Variants in LEPR observed in about 807,000 individuals in gnomAD.
The protein encoded by LEPR is OB receptor.
In LEPR, 56 loss-of-function variants were observed where a neutral mutation model predicts 114.7. The ratio of observed to expected loss-of-function variants is 0.49; its 90% CI spans 0.39 to 0.61. LEPR has a LOEUF of 0.61. Among genes scored for constraint, LEPR ranks in the 20% least tolerant of loss-of-function variants. LEPR has a pLI of 0.00. For missense variants in LEPR, 1,202 were observed against 1,352.9 expected (o/e 0.89, Z 1.75); for synonymous variants, 443 against 461.4 (o/e 0.96, Z 0.51).
chr1:65,610,379 A>G, intron 14 of LEPR, 83 bp downstream of exon 14: 1 of 1,160,466 alleles, frequency 8.6e-7, no homozygotes, highest in Non-Finnish European at 1.2e-6. Context: ...CCTGTTATTA[A>G]TCTTCGGAAA....
At chr1:65,457,940 C>G (rs1285663210) in intron 2 of LEPR, among the ~76,000 whole-genome samples, 10 of 152,166 alleles carry the variant, frequency 6.6e-5, no homozygotes, top group Admixed American at 6.5e-4. Context: ...CCAGTAGCCT[C>G]CTTTCCCTTT....
At chr1:65,607,319 G>A (rs919079826) in intron 11 of LEPR, among the ~76,000 whole-genome samples, 1 of 152,114 alleles carries the variant, frequency 6.6e-6, no homozygotes, top group Admixed American at 6.5e-5. Context: ...ACTTTAGATT[G>A]TCCACTGGCA....
At chr1:65,621,492 A>G in intron 18 of LEPR, 34 bp downstream of exon 18, 1 of 1,576,404 alleles carries the variant, frequency 6.3e-7, no homozygotes, top group Non-Finnish European at 8.7e-7. Context: ...CTTTACGGCA[A>G]AAGTCCTTAC....
At chr1:65,581,765 A>T (rs1214266890) in intron 5 of LEPR, among the ~76,000 whole-genome samples, 1 of 152,172 alleles carries the variant, frequency 6.6e-6, no homozygotes, top group African/African-American at 2.4e-5. Context: ...CTCCTCTTAC[A>T]GCAAGAAGAA....
intron 5 of LEPR, among the ~76,000 whole-genome samples, chr1:65,588,277 T>C (rs1655453323): frequency 6.6e-6 from 1 of 151,838 alleles, no homozygotes; most frequent in Non-Finnish European, 1.5e-5. Context: ...TGCCCTGTAT[T>C]TGGTAACCCT....
intron 2 of LEPR, among the ~76,000 whole-genome samples, chr1:65,497,185 C>T (rs1487679200): frequency 1.3e-5 from 2 of 152,004 alleles, no homozygotes; most frequent in Non-Finnish European, 2.9e-5. Context: ...CATTCCAGTC[C>T]TGTCATGCAA....
chr1:65,443,343 C>T (rs1477494882), intron 2 of LEPR, among the ~76,000 whole-genome samples: 1 of 151,952 alleles, frequency 6.6e-6, no homozygotes, highest in African/African-American at 2.4e-5. Flanking sequence ...CACTTGAGCC[C>T]AGGAGTTCGA....
intron 2 of LEPR, among the ~76,000 whole-genome samples, chr1:65,475,612 G>A (rs1023332619): frequency 1.2e-4 from 18 of 152,160 alleles, no homozygotes; most frequent in African/African-American, 4.1e-4. Flanking sequence ...GTTAGTCAAA[G>A]GTGGTCTTTG....
chr1:65,451,202 G>A (rs1347710399), intron 2 of LEPR, among the ~76,000 whole-genome samples: 8 of 152,004 alleles, frequency 5.3e-5, no homozygotes, highest in Admixed American at 6.6e-5. Context: ...AGTAGGTTGC[G>A]AAAATTTTCT....
chr1:65,625,855 T>C (rs1388773978), intron 19 of LEPR, among the ~76,000 whole-genome samples: 1 of 152,170 alleles, frequency 6.6e-6, no homozygotes, highest in Non-Finnish European at 1.5e-5. Context: ...ATGAGGGTTT[T>C]ATGTCAAAAA....
chr1:65,442,903 C>T (rs1188020703), intron 2 of LEPR, among the ~76,000 whole-genome samples: 2 of 152,104 alleles, frequency 1.3e-5, no homozygotes, highest in Non-Finnish European at 1.5e-5. Flanking sequence ...AGAGACCATA[C>T]TCAGGAGCCT....
chr1:65,512,336 A>G (rs1012583242), intron 2 of LEPR, among the ~76,000 whole-genome samples: 2 of 152,156 alleles, frequency 1.3e-5, no homozygotes, highest in African/African-American at 4.8e-5. Flanking sequence ...TTGGGCGGGG[A>G]CACAAATCTA....
At chr1:65,435,589 G>A (rs1014283203) in intron 2 of LEPR, 3 of 602,544 alleles carry the variant, frequency 5.0e-6, no homozygotes, top group Admixed American at 6.3e-5. Context: ...GGATGGTCTC[G>A]ATCTCCTGAC....
intron 2 of LEPR, among the ~76,000 whole-genome samples, chr1:65,467,982 C>A (rs943909037): frequency 1.3e-5 from 2 of 152,176 alleles, no homozygotes; most frequent in Admixed American, 6.5e-5. Context: ...ATCCCCTGAC[C>A]CCTTGCGCTT....
intron 2 of LEPR, among the ~76,000 whole-genome samples, chr1:65,459,539 G>A (rs1646918614): frequency 6.6e-6 from 1 of 152,160 alleles, no homozygotes; most frequent in Non-Finnish European, 1.5e-5. Context: ...AGGAAGTGGA[G>A]CTCCTTCTTC....
At chr1:65,450,241 A>AT (rs141012084) in intron 2 of LEPR, among the ~76,000 whole-genome samples, 10,842 of 150,196 alleles carry the variant, frequency 0.072, 1,280 homozygotes, top group African/African-American at 0.25. Flanking sequence ...TAGTCCATAG[A>AT]TTTTTTTTTT....
chr1:65,622,179 A>G (rs925902102), intron 18 of LEPR, among the ~76,000 whole-genome samples: 3 of 152,332 alleles, frequency 2.0e-5, no homozygotes, highest in African/African-American at 7.2e-5. Context: ...GGAAACAACA[A>G]GCTTATAACA....
intron 2 of LEPR, among the ~76,000 whole-genome samples, chr1:65,548,911 C>T (rs1014032327): frequency 2.4e-4 from 37 of 152,306 alleles, no homozygotes; most frequent in African/African-American, 8.7e-4. Context: ...CCTCGAAGGT[C>T]TTTACAATTT....
intron 2 of LEPR, among the ~76,000 whole-genome samples, chr1:65,469,344 G>A (rs930201355): frequency 6.6e-6 from 1 of 152,224 alleles, no homozygotes. Flanking sequence ...AAGAGCACAA[G>A]CAAAGGTCCA....
Sources: gnomAD v4.1 joint callset for allele counts (sites outside exome capture counted in the v4.1 genomes callset) on GRCh38, gnomAD v4.1.1 for gene constraint, MANE v1.5 for transcripts, NCBI Gene and HGNC (gene_info 2026-07-23, HGNC 2026-07-21) for gene names.